Variants in COL22A1 observed in about 807,000 individuals in gnomAD.
COL22A1 encodes the protein collagen type XXII alpha 1 chain.
COL22A1 carries 221 observed loss-of-function variants against 248.9 expected under a neutral mutation model. The ratio of observed to expected loss-of-function variants is 0.89; its 90% CI spans 0.80 to 0.99. COL22A1 has a LOEUF of 0.99. Ranked by LOEUF, COL22A1 falls within the 50% of genes least tolerant of loss-of-function variation. The pLI, the probability that COL22A1 is intolerant of heterozygous loss-of-function variation, is 0.00. For missense variants in COL22A1, 2,240 were observed against 2,179.0 expected (o/e 1.03, Z -0.56); for synonymous variants, 891 against 793.4 (o/e 1.12, Z -2.07).
Position 138,629,097 on chromosome 8 carries a change from C to T in COL22A1, c.3663+1598G>A, listed in dbSNP as rs1301832227. Among the ~76,000 whole-genome samples the T allele has an allele frequency of 4.6e-5, 7 of 152,048 alleles. No homozygotes were observed. The South Asian group carries it at 1.5e-3, about 32-fold the overall frequency. On this transcript the variant is annotated intron_variant, in intron 50 of 64. Transcript: ENST00000303045. ...AAGTGCTGTGATTACAGGTGTGAAC[C>T]ACCGTGCCTGGCCCTGGATCCACAT... is the stretch of plus-strand genomic sequence containing the variant.
At chr8:138,802,763 C>A in intron 11 of COL22A1, 109 bp downstream of exon 11, 1 of 849,042 alleles carries the variant, frequency 1.2e-6, no homozygotes, top group Non-Finnish European at 2.0e-6. Context: ...AGTGCCTGGC[C>A]CCTGCCAGGT....
intron 1 of COL22A1, among the ~76,000 whole-genome samples, chr8:138,892,429 G>T (rs1018726402): frequency 3.3e-5 from 5 of 152,162 alleles, no homozygotes; most frequent in Non-Finnish European, 5.9e-5. Context: ...ACAGGCCCTG[G>T]CATAGAGTAG....
chr8:138,608,121 C>A, intron 56 of COL22A1, 132 bp from the exon 57 acceptor site: 1 of 625,040 alleles, frequency 1.6e-6, no homozygotes, highest in Non-Finnish European at 2.7e-6. Flanking sequence ...GGCTCTCAGT[C>A]TACCACTTCA....
intron 51 of COL22A1, among the ~76,000 whole-genome samples, chr8:138,624,997 A>C (rs1820121696): frequency 1.3e-5 from 2 of 152,226 alleles, no homozygotes; most frequent in Admixed American, 6.5e-5. Flanking sequence ...CCCCATGATT[A>C]ATTACCAGGC....
At chr8:138,788,741 A>G (rs1228384242) in intron 12 of COL22A1, among the ~76,000 whole-genome samples, 1 of 152,028 alleles carries the variant, frequency 6.6e-6, no homozygotes, top group Non-Finnish European at 1.5e-5. Context: ...CATTTGGTTT[A>G]TAAAAAAATG....
chr8:138,777,966 A>C, intron 15 of COL22A1: 1 of 332,122 alleles, frequency 3.0e-6, no homozygotes, highest in Non-Finnish European at 5.7e-6. Context: ...ACAGTCTGGC[A>C]CTGTTCCAGG....
rs1301036382 is a variant in COL22A1, at chr8:138,782,392, A to AT, written c.1597-1413dup. Among the ~76,000 whole-genome samples the AT allele has an allele frequency of 2.6e-5, 4 of 152,274 alleles. No homozygotes were observed. The East Asian group carries it at 5.8e-4, about 22-fold the overall frequency. ...ATCACCACATCTGGCGAATTTTTGT[A>AT]TTTTTTGTACAGACAGGGTTTCACA... On this transcript the variant is annotated intron_variant, in intron 12 of 64. Transcript: ENST00000303045.
intron 61 of COL22A1, among the ~76,000 whole-genome samples, chr8:138,598,208 T>C (rs1817698465): frequency 6.6e-6 from 1 of 151,802 alleles, no homozygotes; most frequent in Non-Finnish European, 1.5e-5. Context: ...TCACTCTAAA[T>C]AAGCCCTTGT....
intron 10 of COL22A1, among the ~76,000 whole-genome samples, chr8:138,805,999 T>TGTAATG (rs1563787795): frequency 2.0e-5 from 1 of 51,036 alleles, no homozygotes; most frequent in African/African-American, 7.5e-5. Flanking sequence ...TGATGGTGTG[T>TGTAATG]GTGTGTGACG....
chr8:138,694,307 A>G (rs1827322125), intron 34 of COL22A1, among the ~76,000 whole-genome samples: 2 of 152,208 alleles, frequency 1.3e-5, no homozygotes, highest in African/African-American at 2.4e-5. Context: ...CCAGGGGTAC[A>G]GAGGTGGGGC....
intron 3 of COL22A1, among the ~76,000 whole-genome samples, chr8:138,849,158 C>T (rs1372883841): frequency 1.3e-5 from 2 of 152,148 alleles, no homozygotes; most frequent in African/African-American, 4.8e-5. Flanking sequence ...GGATCATGTT[C>T]ATAAGGATTA....
intron 47 of COL22A1, 23 bp downstream of exon 47, chr8:138,646,606 G>C: frequency 6.4e-7 from 1 of 1,556,438 alleles, no homozygotes; most frequent in Non-Finnish European, 8.7e-7. Flanking sequence ...GATCCATGCA[G>C]ATGGTTATGA....
intron 44 of COL22A1, among the ~76,000 whole-genome samples, chr8:138,659,259 G>A (rs1191014274): frequency 3.9e-5 from 6 of 152,162 alleles, no homozygotes; most frequent in African/African-American, 4.8e-5. Flanking sequence ...GAAGTTTCAG[G>A]ACCCTTAATG....
chr8:138,738,520 G>C lies in COL22A1; in HGVS notation c.2086-943C>G, dbSNP rs561531414. ...ACATTTTTTTGAGTGTCTATTTCAC[G>C]GCAAACTCTCTTTCTAGTTCTTCCC... On this transcript the variant is annotated intron_variant, in intron 22 of 64. Coordinates refer to ENST00000303045, the MANE Select transcript of COL22A1 (RefSeq NM_152888.3). Among the ~76,000 whole-genome samples the C allele has an allele frequency of 2.3e-4, 35 of 152,000 alleles. No homozygotes were observed. The South Asian group carries it at 6.5e-3, about 28-fold the overall frequency.
chr8:138,737,625 C>A (rs748888785), intron 22 of COL22A1, 48 bp from the exon 23 acceptor site: 1 of 1,275,384 alleles, frequency 7.8e-7, no homozygotes, highest in Admixed American at 1.7e-5. Flanking sequence ...CAATTGTCAA[C>A]CAGAGGGGGT....
chr8:138,718,467 T>C (rs1388951551), intron 27 of COL22A1, among the ~76,000 whole-genome samples: 1 of 152,168 alleles, frequency 6.6e-6, no homozygotes, highest in Non-Finnish European at 1.5e-5. Flanking sequence ...TGAACACCAA[T>C]CCAAAGGCAC....
rs142500152 is a variant in COL22A1, at chr8:138,589,346, T to C, written c.4788A>G (p.Pro1596=). The change falls in exon 65 of 65, where the codon CCA becomes CCG. Residue 1596 remains proline, a synonymous_variant. Coordinates refer to ENST00000303045, the MANE Select transcript of COL22A1 (RefSeq NM_152888.3). ...ETGPAGHPGL[P]GPPGPPGQCD... The stretch of plus-strand genomic sequence containing the variant: ...ATTGGCCTGGGGGACCGGGAGGTCC[T>C]GGGAGGCCAGGATGTCCAGCTGGTC... 31 of 1,611,732 alleles carry C rather than the reference T, an allele frequency of 1.9e-5. 1 individual carries two copies. The African/African-American group carries it at 3.9e-4, about 20-fold the overall frequency.
intron 52 of COL22A1, among the ~76,000 whole-genome samples, chr8:138,621,721 A>G (rs1819815048): frequency 6.6e-6 from 1 of 152,152 alleles, no homozygotes; most frequent in Non-Finnish European, 1.5e-5. Context: ...AAATAATGGT[A>G]CCCACAGCCC....
chr8:138,728,435 C>T (rs1424000934), intron 23 of COL22A1, among the ~76,000 whole-genome samples: 2 of 152,114 alleles, frequency 1.3e-5, no homozygotes, highest in East Asian at 1.9e-4. Context: ...TCTGAATGAA[C>T]AATTCAGTTC....
Sources: allele counts gnomAD v4.1 joint callset (sites outside exome capture counted in the v4.1 genomes callset), GRCh38; gene constraint gnomAD v4.1.1; transcripts MANE v1.5; gene names NCBI Gene and HGNC (gene_info 2026-07-23, HGNC 2026-07-21).